Variants in REC114 observed in about 807,000 individuals in gnomAD.
REC114 encodes meiotic recombination protein REC114.
In REC114, 27 loss-of-function variants were observed where a neutral mutation model predicts 31.3. The ratio of observed to expected loss-of-function variants is 0.86; its 90% CI spans 0.64 to 1.19. The LOEUF is 1.19. Among genes scored for constraint, REC114 ranks in the 50% most tolerant of loss-of-function variants. The pLI, the probability that REC114 is intolerant of heterozygous loss-of-function variation, is 0.00. For synonymous variants in REC114, 134 were observed against 127.7 expected (o/e 1.05, Z -0.33); for missense variants, 344 against 326.9 (o/e 1.05, Z -0.40).
At chr15:73,537,097 TATTC>T (rs1287517846) in intron 2 of REC114, among the ~76,000 whole-genome samples, 1 of 152,262 alleles carries the variant, frequency 6.6e-6, no homozygotes, top group African/African-American at 2.4e-5. Context: ...AGGTGCTATA[TATTC>T]ATTAGCGAGC....
chr15:73,481,824 C>A (rs900343732), intron 2 of REC114, among the ~76,000 whole-genome samples: 3 of 151,750 alleles, frequency 2.0e-5, no homozygotes, highest in African/African-American at 7.3e-5. Context: ...ACGCCAGGGG[C>A]TAATGTTTGT....
At chr15:73,556,555 A>T (rs1370602700) in intron 5 of REC114, among the ~76,000 whole-genome samples, 164 bp downstream of exon 5, 2 of 152,148 alleles carry the variant, frequency 1.3e-5, no homozygotes, top group Non-Finnish European at 2.9e-5. Flanking sequence ...CCCCTTGCAG[A>T]GTTAAGTTTT....
At chr15:73,538,517 C>T (rs1489007326) in intron 2 of REC114, among the ~76,000 whole-genome samples, 3 of 140,186 alleles carry the variant, frequency 2.1e-5, no homozygotes, top group African/African-American at 5.2e-5. Context: ...ACTGCAGTGG[C>T]GCTATCTTGG....
At chr15:73,536,910 G>A (rs1390871855) in intron 2 of REC114, among the ~76,000 whole-genome samples, 2 of 152,178 alleles carry the variant, frequency 1.3e-5, no homozygotes, top group African/African-American at 2.4e-5. Flanking sequence ...GGGTACATGT[G>A]CAGGTTTGTT....
chr15:73,520,510 G>C (rs556590893), intron 2 of REC114, among the ~76,000 whole-genome samples: 3 of 152,188 alleles, frequency 2.0e-5, no homozygotes, highest in Non-Finnish European at 2.9e-5. Flanking sequence ...TTACAGGTGT[G>C]AGCCACTGTG....
At chr15:73,476,236 A>T (rs1254649910) in intron 2 of REC114, among the ~76,000 whole-genome samples, 1 of 151,984 alleles carries the variant, frequency 6.6e-6, no homozygotes, top group Non-Finnish European at 1.5e-5. Flanking sequence ...AATTATTTTT[A>T]AAAATCACTT....
chr15:73,466,034 AG>A (rs200952246), intron 1 of REC114, among the ~76,000 whole-genome samples: 3,033 of 151,676 alleles, frequency 0.02, 124 homozygotes, highest in African/African-American at 0.069. Context: ...TCATTTTTTT[AG>A]TAGAGACGGG....
chr15:73,478,286 A>AAAT (rs1491005530), intron 2 of REC114, among the ~76,000 whole-genome samples: 1 of 151,016 alleles, frequency 6.6e-6, no homozygotes, highest in South Asian at 2.1e-4. Flanking sequence ...AAAAAAAAAA[A>AAAT]AGAATTTGGG....
At chr15:73,543,722 T>G (rs901501815) in intron 3 of REC114, among the ~76,000 whole-genome samples, 22 of 152,196 alleles carry the variant, frequency 1.4e-4, no homozygotes, top group Admixed American at 3.9e-4. Context: ...TACTAAACTT[T>G]TATTAACTGT....
chr15:73,479,049 A>T (rs1358090947), intron 2 of REC114, among the ~76,000 whole-genome samples: 1 of 151,988 alleles, frequency 6.6e-6, no homozygotes, highest in Non-Finnish European at 1.5e-5. Context: ...TGCCTGCCTC[A>T]CCCGCTTCCC....
At chr15:73,525,514 A>G (rs1893993409) in intron 2 of REC114, among the ~76,000 whole-genome samples, 1 of 151,650 alleles carries the variant, frequency 6.6e-6, no homozygotes. Context: ...TATATATCCC[A>G]ATTTTTTTCT....
intron 3 of REC114, among the ~76,000 whole-genome samples, chr15:73,540,813 A>C (rs944220967): frequency 2.0e-5 from 3 of 152,220 alleles, no homozygotes; most frequent in Non-Finnish European, 4.4e-5. Flanking sequence ...GGAGCTGTGC[A>C]GCCATTCTCT....
chr15:73,457,724 TAAG>T, intron 1 of REC114, among the ~76,000 whole-genome samples: 1 of 152,338 alleles, frequency 6.6e-6, no homozygotes. Context: ...AATAACCTGT[TAAG>T]GAGGTACTTG....
intron 2 of REC114, among the ~76,000 whole-genome samples, chr15:73,518,485 GGA>G (rs1567885308): frequency 7.2e-5 from 11 of 152,190 alleles, no homozygotes. Context: ...AGTTCTAGCA[GGA>G]GTCCCAGGAT....
intron 2 of REC114, among the ~76,000 whole-genome samples, chr15:73,476,761 A>G (rs1893220843): frequency 6.6e-6 from 1 of 152,086 alleles, no homozygotes; most frequent in South Asian, 2.1e-4. Context: ...AGGTAAACCT[A>G]TTTTGCTTAT....
intron 2 of REC114, among the ~76,000 whole-genome samples, chr15:73,514,635 G>A (rs2141316747): frequency 6.6e-6 from 1 of 152,198 alleles, no homozygotes; most frequent in Non-Finnish European, 1.5e-5. Flanking sequence ...TAAAGTAATG[G>A]TTTTTACAAA....
intron 1 of REC114, among the ~76,000 whole-genome samples, chr15:73,467,577 A>AT: frequency 1.3e-5 from 2 of 152,300 alleles, no homozygotes; most frequent in Middle Eastern, 3.4e-3. Flanking sequence ...TTTCTTCTCC[A>AT]TATTATAAGA....
At chr15:73,498,316 A>G (rs1409433357) in intron 2 of REC114, among the ~76,000 whole-genome samples, 2 of 151,964 alleles carry the variant, frequency 1.3e-5, no homozygotes, top group Non-Finnish European at 2.9e-5. Flanking sequence ...TCTTTGCTGT[A>G]GGTATTTGGA....
At chr15:73,444,238 C>T (rs1892736921) in intron 1 of REC114, among the ~76,000 whole-genome samples, 1 of 152,184 alleles carries the variant, frequency 6.6e-6, no homozygotes. Context: ...TGCAGTTTGT[C>T]ACATGGATTG....
Sources: allele counts gnomAD v4.1 joint callset (sites outside exome capture counted in the v4.1 genomes callset), GRCh38; gene constraint gnomAD v4.1.1; transcripts MANE v1.5; gene names NCBI Gene and HGNC (gene_info 2026-07-23, HGNC 2026-07-21).